Variants in LPCAT3 observed in about 807,000 individuals in gnomAD.
The protein encoded by LPCAT3 is lysophosphatidylcholine acyltransferase 3, also known as lysophospholipid acyltransferase 5.
Under a neutral mutation model 63.4 loss-of-function variants are expected in LPCAT3, and 21 were observed. The observed-to-expected ratio is 0.33, with a 90% CI of 0.23 to 0.48. LPCAT3 has a LOEUF of 0.48. LPCAT3 is among the 20% of genes least tolerant of loss of function. The pLI is 0.99. For missense variants in LPCAT3, 451 were observed against 590.6 expected (o/e 0.76, Z 2.45); for synonymous variants, 242 against 227.5 (o/e 1.06, Z -0.58).
At chr12:6,983,114 T>G in intron 2 of LPCAT3, 1 of 500,518 alleles carries the variant, frequency 2.0e-6, no homozygotes, top group Non-Finnish European at 3.7e-6. Flanking sequence ...TTTGAATGTC[T>G]GAAGTGAAGA....
At chr12:6,990,158 A>G (rs1183203854) in intron 1 of LPCAT3, among the ~76,000 whole-genome samples, 3 of 151,694 alleles carry the variant, frequency 2.0e-5, no homozygotes, top group South Asian at 4.2e-4. Context: ...AGCCTGGGCA[A>G]CAAAGTTGTT....
chr12:6,999,375 A>G (rs1189649156), intron 1 of LPCAT3, among the ~76,000 whole-genome samples: 2 of 152,216 alleles, frequency 1.3e-5, no homozygotes, highest in East Asian at 1.9e-4. Flanking sequence ...AAGGTAAGCT[A>G]TTGGATAGTT....
chr12:7,001,646 C>G (rs781894399), intron 1 of LPCAT3, among the ~76,000 whole-genome samples: 1 of 152,066 alleles, frequency 6.6e-6, no homozygotes, highest in Non-Finnish European at 1.5e-5. Flanking sequence ...ATGTGAGGTG[C>G]AAGGGGTGGT....
In LPCAT3 at chr12:6,983,508, G is replaced by A. The variant is rs1350136653; in HGVS notation, c.183C>T (p.Tyr61=). ...TGAGGTAGGTCTCCTTGTAGAAAAGGTAATGCCGATAAAACAAAGCAAAGG... is the reference window on the plus strand; with the variant it reads ...TGAGGTAGGTCTCCTTGTAGAAAAGATAATGCCGATAAAACAAAGCAAAGG... The part of the protein sequence containing the change: ...GYPFALFYRH[Y]LFYKETYLIH... Residue 61 remains tyrosine (Y), a synonymous_variant, in exon 2 of 13, where the codon TAC becomes TAT. Coordinates refer to ENST00000261407, the MANE Select transcript of LPCAT3 (RefSeq NM_005768.6). The A allele has an allele frequency of 1.3e-5, 21 of 1,612,050 alleles. No homozygotes were observed. The highest frequency in any genetic ancestry group is 1.8e-5 in the Non-Finnish European group (21 of 1,178,368).
intron 1 of LPCAT3, chr12:7,001,400 C>T (rs1555156489): frequency 2.2e-6 from 1 of 455,726 alleles, no homozygotes; most frequent in Non-Finnish European, 4.4e-6. Context: ...AATAATCAAC[C>T]ACCACCCCAA....
In LPCAT3 at chr12:6,980,681, C is replaced by G. The variant is rs782602219; in HGVS notation, c.677+323G>C. On this transcript the variant is annotated intron_variant, in intron 6 of 12. Coordinates refer to ENST00000261407, the MANE Select transcript of LPCAT3 (RefSeq NM_005768.6). ...TCTATCTACCTACCTACCTATCAACCTGCCTACCTACCTATCAATCATAAA... is the reference window on the plus strand; with the variant it reads ...TCTATCTACCTACCTACCTATCAACGTGCCTACCTACCTATCAATCATAAA... 118 of 173,122 alleles carry G rather than the reference C, an allele frequency of 6.8e-4. 1 individual carries two copies. Among genetic ancestry groups the G allele is most frequent in the African/African-American group, 2.6e-3 (109 of 42,274 alleles). The allele number at this position is 173,122 out of a possible 1,614,324, so 10.7% of individuals were successfully genotyped here.
intron 1 of LPCAT3, among the ~76,000 whole-genome samples, chr12:7,004,984 G>C (rs1159845025): frequency 6.6e-6 from 1 of 152,006 alleles, no homozygotes; most frequent in Non-Finnish European, 1.5e-5. Flanking sequence ...GTGGATTTTA[G>C]TATATTCAGT....
At chr12:7,007,774 C>A (rs1395580171) in intron 1 of LPCAT3, among the ~76,000 whole-genome samples, 2 of 152,176 alleles carry the variant, frequency 1.3e-5, no homozygotes, top group African/African-American at 4.8e-5. Context: ...GGATTACAGG[C>A]ATGAGCCACT....
chr12:6,989,410 C>G (rs1673909998), intron 1 of LPCAT3, among the ~76,000 whole-genome samples: 1 of 150,848 alleles, frequency 6.6e-6, no homozygotes, highest in South Asian at 2.1e-4. Flanking sequence ...CCCGGGTTCA[C>G]GCCATTCTCC....
At position 6,977,136 on chromosome 12, in the gene LPCAT3, G is replaced by T; in HGVS notation, c.*10C>A. The T allele has an allele frequency of 6.4e-7, 1 of 1,559,682 alleles. No individual in the cohort carries two copies. The highest frequency in any genetic ancestry group is 1.1e-5 in the South Asian group (1 of 89,938). On this transcript the variant is annotated splice_region_variant and 3_prime_UTR_variant, in exon 12 of 13. Transcript: ENST00000261407. The surrounding 1 kb of genome is among the most constrained non-coding windows in gnomAD (Gnocchi z 4.5). ...TTAGTTTAGCTGTATTAACTTACCA[G>T]GGAAATGGATTATTCCATCTTCTTT... is the stretch of plus-strand genomic sequence containing the variant.
chr12:7,018,473 A>G lies in LPCAT3; in HGVS notation c.-49T>C. On this transcript the variant is annotated 5_prime_UTR_variant, in exon 1 of 13. Coordinates refer to ENST00000261407, the MANE Select transcript of LPCAT3 (RefSeq NM_005768.6). The surrounding 1 kb of genome is among the most constrained non-coding windows in gnomAD (Gnocchi z 4.9). ...GACCCCCCAGCTCCGCGCGCCCCGA[A>G]TGCGGGCAAAACGCTATCGCTTCAC... is the stretch of plus-strand genomic sequence containing the variant. 6.7e-7 allele frequency: 1 copy of G among 1,484,542 alleles called. No individual in the cohort carries two copies. Among genetic ancestry groups the G allele is most frequent in the Non-Finnish European group, 9.1e-7 (1 of 1,101,134 alleles). The allele number at this position is 1,484,542 out of a possible 1,614,324, so 92.0% of individuals were successfully genotyped here.
chr12:7,013,013 A>T (rs1946774466), intron 1 of LPCAT3, among the ~76,000 whole-genome samples: 1 of 152,258 alleles, frequency 6.6e-6, no homozygotes, highest in Non-Finnish European at 1.5e-5. Context: ...ACACTGTGGT[A>T]AACAAAACTT....
intron 1 of LPCAT3, among the ~76,000 whole-genome samples, chr12:6,994,759 T>C (rs1163786247): frequency 1.3e-5 from 2 of 152,212 alleles, no homozygotes; most frequent in African/African-American, 4.8e-5. Flanking sequence ...TTGGCCAATG[T>C]TCACTCTTAC....
chr12:6,989,525 C>G (rs782413982), intron 1 of LPCAT3, among the ~76,000 whole-genome samples: 2 of 152,130 alleles, frequency 1.3e-5, no homozygotes, highest in South Asian at 2.1e-4. Context: ...GTCTCGATCT[C>G]CTGACCTCGT....
At position 6,990,401 on chromosome 12, in the gene LPCAT3, C is replaced by T. The variant is rs868971727; in HGVS notation, c.152-6862G>A. 1.1e-3 allele frequency among the ~76,000 whole-genome samples: 167 copies of T among 146,102 alleles called. 3 individuals carry two copies. The South Asian group carries it at 0.03, about 27-fold the overall frequency. On this transcript the variant is annotated intron_variant, in intron 1 of 12. Coordinates refer to ENST00000261407, the MANE Select transcript of LPCAT3 (RefSeq NM_005768.6). ...GCGGGCACCTGTAGCCCCAGCTACT[C>T]GGGAGGCTGAGGCAGGAGAATGGTG...
intron 1 of LPCAT3, among the ~76,000 whole-genome samples, chr12:7,009,939 G>C (rs920801379): frequency 1.3e-5 from 2 of 152,138 alleles, no homozygotes; most frequent in African/African-American, 4.8e-5. Context: ...CAGATAAATT[G>C]CTTAACTCTT....
chr12:6,992,971 GT>G (rs1281695315), intron 1 of LPCAT3, among the ~76,000 whole-genome samples: 6 of 151,898 alleles, frequency 4.0e-5, no homozygotes, highest in Non-Finnish European at 5.9e-5. Flanking sequence ...ATAGCATATT[GT>G]TTTTTATTTA....
chr12:6,994,558 C>G (rs1487303744), intron 1 of LPCAT3, among the ~76,000 whole-genome samples: 1 of 152,122 alleles, frequency 6.6e-6, no homozygotes, highest in Non-Finnish European at 1.5e-5. Flanking sequence ...CCTCAACTTT[C>G]TAGGTTCAAG....
At chr12:6,993,678 T>C (rs1198240075) in intron 1 of LPCAT3, among the ~76,000 whole-genome samples, 1 of 152,210 alleles carries the variant, frequency 6.6e-6, no homozygotes, top group East Asian at 1.9e-4. Context: ...ACTTAGCATG[T>C]TTTCAAGGTT....
Sources: allele counts gnomAD v4.1 joint callset (sites outside exome capture counted in the v4.1 genomes callset), GRCh38; gene constraint gnomAD v4.1.1; non-coding constraint Gnocchi (gnomAD v3.1); transcripts MANE v1.5; gene names NCBI Gene and HGNC (gene_info 2026-07-23, HGNC 2026-07-21).